Variants in ARL13B observed in about 807,000 individuals in gnomAD.
ARL13B encodes ARF like GTPase 13B.
In ARL13B, 36 loss-of-function variants were observed where a neutral mutation model predicts 56.1. That is an observed-to-expected ratio of 0.64 (90% confidence interval 0.49 to 0.85). The LOEUF (loss-of-function observed/expected upper bound fraction) is 0.85. ARL13B is among the 40% of genes least tolerant of loss of function. The pLI, the probability that ARL13B is intolerant of heterozygous loss-of-function variation, is 0.00. For missense variants in ARL13B, 519 were observed against 507.1 expected, an observed-to-expected ratio of 1.02 and a Z score of -0.23; for synonymous variants, 178 against 171.1, an observed-to-expected ratio of 1.04 and a Z score of -0.32.
At chr3:93,995,204 C>T (rs1032009198) in intron 1 of ARL13B, among the ~76,000 whole-genome samples, 7 of 152,132 alleles carry the variant, frequency 4.6e-5, no homozygotes, top group Admixed American at 1.3e-4. Flanking sequence ...TAAATCCCTA[C>T]GAGTTAGGTG....
intron 2 of ARL13B, chr3:93,996,710 T>C (rs1171482687): frequency 2.5e-6 from 1 of 404,126 alleles, no homozygotes; most frequent in Admixed American, 2.6e-5. Context: ...TGCTTTGTGC[T>C]ACAATATAGC....
chr3:94,009,282 G>A lies in ARL13B; in HGVS notation c.380+5374G>A, dbSNP rs546603604. On this transcript the variant is annotated intron_variant, in intron 3 of 9. Coordinates refer to ENST00000394222, the MANE Select transcript of ARL13B (RefSeq NM_001174150.2). ...CTGTCAGTGATTTTCCATATTAGGA[G>A]AAACAATAGCCAGACATTAATTATT... 1.6e-4 allele frequency among the ~76,000 whole-genome samples: 24 copies of A among 152,012 alleles called. 1 individual carries two copies. The highest frequency in any genetic ancestry group is 3.1e-4 in the Non-Finnish European group (21 of 67,958).
intron 1 of ARL13B, among the ~76,000 whole-genome samples, chr3:93,982,238 T>A (rs1710257632): frequency 6.6e-6 from 1 of 152,202 alleles, no homozygotes; most frequent in Non-Finnish European, 1.5e-5. Context: ...TGTATTGATT[T>A]CCAAGTAGAA....
In ARL13B at chr3:94,049,511, C is replaced by G. The variant is rs920909448; in HGVS notation, c.1130C>G (p.Pro377Arg). The G allele has an allele frequency of 3.7e-6, 6 of 1,600,390 alleles. No individual in the cohort carries two copies. The highest frequency in any genetic ancestry group is 5.1e-6 in the Non-Finnish European group (6 of 1,169,906). ...CAPESPTPPP[P>R]PPPVGWGTPK... ...CCTGAGAGTCCAACGCCACCCCCACCCCCTCCTCCTGGTGAGTAAATTGAT... is the reference window on the plus strand; with the variant it reads ...CCTGAGAGTCCAACGCCACCCCCACGCCCTCCTCCTGGTGAGTAAATTGAT... Residue 377 changes from proline to arginine, a missense_variant, in exon 8 of 10, where the codon CCC (proline) becomes CGC (arginine). Coordinates refer to ENST00000394222, the MANE Select transcript of ARL13B (RefSeq NM_001174150.2).
At chr3:93,999,710 C>G (rs192843606) in intron 2 of ARL13B, among the ~76,000 whole-genome samples, 12 of 152,112 alleles carry the variant, frequency 7.9e-5, no homozygotes, top group African/African-American at 2.9e-4. Flanking sequence ...AAAAGTAACA[C>G]CCCTTCCTGG....
intron 5 of ARL13B, among the ~76,000 whole-genome samples, chr3:94,038,767 C>T (rs1012266581): frequency 2.0e-5 from 3 of 151,882 alleles, no homozygotes; most frequent in South Asian, 2.1e-4. Context: ...GTGATCCACC[C>T]GCCTCGGCCT....
In ARL13B at chr3:93,980,490, G is replaced by A. The variant is rs183229189; in HGVS notation, c.59+8G>A. On this transcript the variant is annotated splice_region_variant and intron_variant, in intron 1 of 9. Coordinates refer to ENST00000394222, the MANE Select transcript of ARL13B (RefSeq NM_001174150.2). ...GTGGCGGGAGCCTGTCAGGTAGGCT[G>A]GAGCCAGCTGTCCTGGCCGTCCTAG... 159 of 1,610,054 alleles carry A rather than the reference G, an allele frequency of 9.9e-5. No homozygotes were observed. In the African/African-American group the frequency reaches 2.0e-3, roughly 20 times the overall value.
At chr3:93,983,042 A>C (rs1710293398) in intron 1 of ARL13B, among the ~76,000 whole-genome samples, 1 of 152,186 alleles carries the variant, frequency 6.6e-6, no homozygotes, top group Admixed American at 6.5e-5. Context: ...TTTATATTTT[A>C]TGAAGATGAA....
intron 3 of ARL13B, among the ~76,000 whole-genome samples, chr3:94,010,477 T>C (rs2076205515): frequency 6.6e-6 from 1 of 152,090 alleles, no homozygotes; most frequent in South Asian, 2.1e-4. Flanking sequence ...TTAGTGCTCA[T>C]AGTAATTTTT....
At chr3:94,031,068 T>C (rs1350600638) in intron 3 of ARL13B, among the ~76,000 whole-genome samples, 1 of 152,120 alleles carries the variant, frequency 6.6e-6, no homozygotes, top group African/African-American at 2.4e-5. Context: ...GGTATGCGCC[T>C]GTAGTCCCAG....
rs1042924699 is a variant in ARL13B, at chr3:94,053,198, A to G, written c.1222A>G (p.Lys408Glu). Residue 408 changes from lysine to glutamate, a missense_variant, in exon 10 of 10, where the codon AAG becomes GAG. Physicochemically the swap from Lys to Glu is moderately conservative, Grantham distance 56. Transcript: ENST00000394222. ...GETHHNDFYR[K>E]PLPPLAVPQR... ...CTTTCTTTTCTTAGATTTCTATAGGAAGCCACTGCCTCCCCTGGCTGTGCC... is the reference window on the plus strand; with the variant it reads ...CTTTCTTTTCTTAGATTTCTATAGGGAGCCACTGCCTCCCCTGGCTGTGCC... The G allele has an allele frequency of 8.1e-6, 13 of 1,612,356 alleles. No homozygotes were observed. The highest frequency in any genetic ancestry group is 1.1e-5 in the Non-Finnish European group (13 of 1,179,576).
chr3:93,992,339 A>T (rs1418857694), intron 1 of ARL13B, among the ~76,000 whole-genome samples: 1 of 152,086 alleles, frequency 6.6e-6, no homozygotes. Flanking sequence ...GTTTCCAGGA[A>T]CTGCCGACTC....
chr3:94,031,806 T>C (rs1301883102), intron 3 of ARL13B, among the ~76,000 whole-genome samples: 1 of 152,124 alleles, frequency 6.6e-6, no homozygotes, highest in East Asian at 1.9e-4. Context: ...AATAGATGAA[T>C]AGATCAATGG....
intron 3 of ARL13B, among the ~76,000 whole-genome samples, chr3:94,031,679 G>T (rs1274153102): frequency 6.6e-6 from 1 of 152,070 alleles, no homozygotes; most frequent in African/African-American, 2.4e-5. Flanking sequence ...GTACCAAAAA[G>T]CCTGAATAGC....
intron 3 of ARL13B, among the ~76,000 whole-genome samples, chr3:94,024,031 ATATTCT>A (rs1159265200): frequency 6.6e-5 from 10 of 152,320 alleles, no homozygotes; most frequent in Middle Eastern, 3.4e-3. Flanking sequence ...ATGGAGATTG[ATATTCT>A]TATATTTTCT....
chr3:94,018,697 C>T (rs937149712), intron 3 of ARL13B, among the ~76,000 whole-genome samples: 2 of 152,142 alleles, frequency 1.3e-5, no homozygotes, highest in South Asian at 2.1e-4. Flanking sequence ...CCTGTGAACC[C>T]GTAAACTGCC....
intron 1 of ARL13B, among the ~76,000 whole-genome samples, chr3:93,990,129 T>C (rs2075844950): frequency 6.6e-6 from 1 of 152,126 alleles, no homozygotes; most frequent in Admixed American, 6.5e-5. Context: ...CTCAGCCTTC[T>C]GAGTAGCTGG....
At position 94,039,984 on chromosome 3, in the gene ARL13B, T is replaced by C. The variant is rs144719706; in HGVS notation, c.794T>C (p.Ile265Thr). 44 of 1,613,304 alleles carry C rather than the reference T, an allele frequency of 2.7e-5. No homozygotes were observed. In the South Asian group the frequency reaches 3.0e-4, roughly 11 times the overall value. Residue 265 changes from isoleucine (I) to threonine (T), a missense_variant, in exon 6 of 10, where the codon ATT (isoleucine) becomes ACT (threonine). By Grantham distance (89) the Ile-to-Thr change is moderately conservative. Coordinates refer to ENST00000394222, the MANE Select transcript of ARL13B (RefSeq NM_001174150.2). ...NPFQPIASVI[I>T]ENEGKLEREK... is the part of the protein sequence containing the mutation. ...TTCCAGCCAATAGCATCTGTAATCA[T>C]TGAGGTATGAATGATGGCAAATGTA...
intron 3 of ARL13B, among the ~76,000 whole-genome samples, chr3:94,007,391 T>C (rs2107453399): frequency 6.6e-6 from 1 of 152,308 alleles, no homozygotes; most frequent in Middle Eastern, 3.4e-3. Flanking sequence ...CATGTTGTGA[T>C]GGCAAATAAG....
Sources: gnomAD v4.1 joint callset for allele counts (sites outside exome capture counted in the v4.1 genomes callset) on GRCh38, gnomAD v4.1.1 for gene constraint, MANE v1.5 for transcripts, NCBI Gene and HGNC (gene_info 2026-07-23, HGNC 2026-07-21) for gene names.